NPAS2: variants seen among roughly 807,000 people sequenced by gnomAD.
NPAS2 encodes the protein neuronal PAS domain-containing protein 2.
In NPAS2, 23 loss-of-function variants were observed where a neutral mutation model predicts 107.5. That is an observed-to-expected ratio of 0.21 (90% CI 0.15 to 0.30). The LOEUF (loss-of-function observed/expected upper bound fraction) is 0.30. NPAS2 is among the 10% of genes least tolerant of loss of function. The pLI is 1.00. For synonymous variants in NPAS2, 403 were observed against 417.5 expected (o/e 0.97, Z 0.42); for missense variants, 756 against 1,043.3 (o/e 0.72, Z 3.79).
rs1675035207 is a variant in NPAS2, at chr2:100,948,506, A to T, written c.484+151A>T. On this transcript the variant is annotated intron_variant, in intron 6 of 20. Transcript: ENST00000335681. Reference sequence around the variant, plus strand: ...TCCAAGATCCTTAGAGGTATATTTTAGGTTTAAAGCTAAAACTGGAATTTG... The same window carrying T: ...TCCAAGATCCTTAGAGGTATATTTTTGGTTTAAAGCTAAAACTGGAATTTG... 2.1e-5 allele frequency: 16 copies of T among 759,434 alleles called. No homozygotes were observed. In the South Asian group the frequency reaches 4.3e-4, roughly 20 times the overall value. The allele number at this position is 759,434 out of a possible 1,614,324, so 47.0% of individuals were successfully genotyped here.
chr2:100,831,642 TC>T (rs1009764673), intron 1 of NPAS2, among the ~76,000 whole-genome samples: 2 of 152,008 alleles, frequency 1.3e-5, no homozygotes, highest in African/African-American at 2.4e-5. Flanking sequence ...TTTTATGGCC[TC>T]CCCCCTTTCC....
At position 100,968,452 on chromosome 2, in the gene NPAS2, G is replaced by A. The variant is rs770488905; in HGVS notation, c.1055+24G>A. On this transcript the variant is annotated intron_variant, in intron 11 of 20. Coordinates refer to ENST00000335681, the MANE Select transcript of NPAS2 (RefSeq NM_002518.4). The surrounding 1 kb of genome is among the most constrained non-coding windows in gnomAD (Gnocchi z 5.3). Reference sequence around the variant, plus strand: ...AGGTACCGCGCACGGGCAGGGGTGCGGCTGCGTCCTTGTCGCACCTGGGGG... The same window carrying A: ...AGGTACCGCGCACGGGCAGGGGTGCAGCTGCGTCCTTGTCGCACCTGGGGG... 55 of 1,607,322 alleles carry A rather than the reference G, an allele frequency of 3.4e-5. No individual in the cohort carries two copies. Among genetic ancestry groups the A allele is most frequent in the Non-Finnish European group, 4.4e-5 (52 of 1,175,160 alleles).
Position 100,962,010 on chromosome 2 carries a change from CTT to C in NPAS2, c.599-2041_599-2040del, listed in dbSNP as rs570339760. 5.1e-4 allele frequency among the ~76,000 whole-genome samples: 77 copies of C among 152,090 alleles called. 5 individuals carry two copies. In the East Asian group the frequency reaches 0.014, roughly 29 times the overall value. ...ACATCTGGGAAGTTTTCAAATGTCT[CTT>C]TTTTTTAATTATGCGGATGTTCACA... is the stretch of plus-strand genomic sequence containing the variant. On this transcript the variant is annotated intron_variant, in intron 7 of 20. Coordinates refer to ENST00000335681, the MANE Select transcript of NPAS2 (RefSeq NM_002518.4).
chr2:100,968,567 C>A lies in NPAS2; in HGVS notation c.1055+139C>A, dbSNP rs978060140. 58 of 777,774 alleles carry A rather than the reference C, an allele frequency of 7.5e-5. 1 individual carries two copies. The East Asian group carries it at 1.5e-3, about 21-fold the overall frequency. 48.2% of individuals were successfully genotyped at this position (777,774 alleles called of 1,614,324 possible). On this transcript the variant is annotated intron_variant, in intron 11 of 20. Coordinates refer to ENST00000335681, the MANE Select transcript of NPAS2 (RefSeq NM_002518.4). This position sits in a 1 kb window ranked among gnomAD's most constrained non-coding sequence, Gnocchi z 5.3. ...ATTTCGAAGATGAAGCCCAGGCCAT[C>A]CCCTGCCGTTAACAGCACAATTCCC...
At position 100,990,300 on chromosome 2, in the gene NPAS2, C is replaced by T; in HGVS notation, c.1872C>T (p.Gly624=). 2.5e-6 allele frequency: 4 copies of T among 1,614,174 alleles called. No individual in the cohort carries two copies. Among genetic ancestry groups the T allele is most frequent in the Non-Finnish European group, 3.4e-6 (4 of 1,180,036 alleles). Residue 624 remains glycine (G), a synonymous_variant, in exon 18 of 21, where the codon GGC becomes GGT. Transcript: ENST00000335681. ...MRSSQLMQSS[G]RSGSSLVSPF... is the part of the protein sequence containing the mutation. ...GCTCACAGCTAATGCAGAGCAGCGG[C>T]CGCTCTGGAAGCAGCCTAGTGTCCC...
At chr2:100,898,347 C>A (rs1681552073) in intron 1 of NPAS2, among the ~76,000 whole-genome samples, 2 of 152,180 alleles carry the variant, frequency 1.3e-5, no homozygotes, top group African/African-American at 4.8e-5. Flanking sequence ...GCCACTGCAC[C>A]CAGCTGCATC....
At chr2:100,821,016 C>T (rs1473050212) in intron 1 of NPAS2, 1 of 1,297,778 alleles carries the variant, frequency 7.7e-7, no homozygotes, top group African/African-American at 1.5e-5. Context: ...CTCCGGAGCT[C>T]CCCAGGTTGG....
intron 1 of NPAS2, among the ~76,000 whole-genome samples, chr2:100,882,541 A>T (rs1476875020): frequency 1.3e-5 from 2 of 152,052 alleles, no homozygotes; most frequent in Admixed American, 1.3e-4. Flanking sequence ...AAAACCCGGG[A>T]GGCGGAGGTT....
At chr2:100,852,515 T>G (rs1678265489) in intron 1 of NPAS2, among the ~76,000 whole-genome samples, 1 of 152,216 alleles carries the variant, frequency 6.6e-6, no homozygotes, top group African/African-American at 2.4e-5. Flanking sequence ...AGAACAGGAC[T>G]TGTTTTACAG....
At chr2:100,935,908 C>G (rs1684269344) in intron 4 of NPAS2, among the ~76,000 whole-genome samples, 1 of 152,138 alleles carries the variant, frequency 6.6e-6, no homozygotes, top group Admixed American at 6.5e-5. Context: ...TCATTTTGGA[C>G]CTGGTAGTTC....
At chr2:100,942,091 A>G (rs1674609934) in intron 5 of NPAS2, among the ~76,000 whole-genome samples, 1 of 152,118 alleles carries the variant, frequency 6.6e-6, no homozygotes, top group African/African-American at 2.4e-5. Flanking sequence ...GGATAACCCT[A>G]CCTTCCCCAA....
chr2:100,978,407 G>A (rs565332060), intron 15 of NPAS2, among the ~76,000 whole-genome samples: 10 of 151,550 alleles, frequency 6.6e-5, no homozygotes, highest in South Asian at 6.3e-4. Flanking sequence ...TGTTCTTTAC[G>A]ACTCCAAATT....
At chr2:100,878,905 G>T (rs1680152518) in intron 1 of NPAS2, among the ~76,000 whole-genome samples, 1 of 152,080 alleles carries the variant, frequency 6.6e-6, no homozygotes, top group African/African-American at 2.4e-5. Context: ...GATCACTTGA[G>T]GTCAGGAGTT....
At chr2:100,888,822 T>C (rs1042877983) in intron 1 of NPAS2, among the ~76,000 whole-genome samples, 2 of 152,160 alleles carry the variant, frequency 1.3e-5, no homozygotes, top group Admixed American at 1.3e-4. Context: ...CGGACATGTC[T>C]TGGACTCTCC....
intron 1 of NPAS2, among the ~76,000 whole-genome samples, chr2:100,877,388 C>G (rs1027514254): frequency 7.5e-6 from 1 of 132,858 alleles, no homozygotes; most frequent in African/African-American, 2.8e-5. Flanking sequence ...TGGCATGAAC[C>G]TGGGAGGCGG....
chr2:100,986,094 C>T (rs1226026289), intron 16 of NPAS2: 3 of 152,034 alleles, frequency 2.0e-5, no homozygotes, highest in African/African-American at 7.3e-5. Flanking sequence ...AACATGAATC[C>T]TCAAAATGTG....
At chr2:100,906,524 T>G (rs1430751112) in intron 2 of NPAS2, among the ~76,000 whole-genome samples, 1 of 152,262 alleles carries the variant, frequency 6.6e-6, no homozygotes, top group East Asian at 1.9e-4. Flanking sequence ...CACTGAGTAG[T>G]GCTTTTTAAA....
intron 1 of NPAS2, chr2:100,821,301 A>C: frequency 1.0e-6 from 1 of 978,692 alleles, no homozygotes; most frequent in Non-Finnish European, 1.4e-6. Flanking sequence ...CACTTCCACA[A>C]AGTCTAAACA....
intron 1 of NPAS2, among the ~76,000 whole-genome samples, chr2:100,861,086 C>T (rs1013049826): frequency 7.3e-5 from 11 of 151,094 alleles, no homozygotes; most frequent in African/African-American, 2.4e-4. Context: ...AGGCTGGTCT[C>T]GAACACCTGG....
Sources: allele counts gnomAD v4.1 joint callset (sites outside exome capture counted in the v4.1 genomes callset), GRCh38; gene constraint gnomAD v4.1.1; non-coding constraint Gnocchi (gnomAD v3.1); transcripts MANE v1.5; gene names NCBI Gene and HGNC (gene_info 2026-07-23, HGNC 2026-07-21).